Variants in LRIT3 observed in about 807,000 individuals in gnomAD.
The protein encoded by LRIT3 is leucine-rich repeat, immunoglobulin-like domain and transmembrane domain-containing protein 3.
In LRIT3, 14 loss-of-function variants were observed where a neutral mutation model predicts 22.6. That is an observed-to-expected ratio of 0.62 (90% CI 0.41 to 0.97). The LOEUF is 0.97. Ranked by LOEUF, LRIT3 falls within the 50% of genes least tolerant of loss-of-function variation. LRIT3 has a pLI of 0.00. For missense variants in LRIT3, 783 were observed against 803.0 expected, an observed-to-expected ratio of 0.98 and a Z score of 0.30; for synonymous variants, 306 against 304.5, an observed-to-expected ratio of 1.01 and a Z score of -0.05.
chr4:109,870,376 G>A lies in LRIT3; in HGVS notation c.1627G>A (p.Gly543Ser). Residue 543 changes from glycine (G) to serine (S), a missense_variant, in exon 4 of 4, where the codon GGC becomes AGC. By Grantham distance (56) the Gly-to-Ser change is moderately conservative. Transcript: ENST00000594814. The part of the protein sequence containing the change: ...DSSKNQVTID[G>S]LEPGGQYMAC... ...CAGCAAGAACCAAGTAACCATAGAT[G>A]GCTTGGAACCCGGTGGGCAATACAT... The A allele has an allele frequency of 1.2e-6, 2 of 1,614,180 alleles. No homozygotes were observed. The highest frequency in any genetic ancestry group is 1.1e-5 in the South Asian group (1 of 91,082).
intron 2 of LRIT3, among the ~76,000 whole-genome samples, chr4:109,863,879 G>A (rs1262967501): frequency 1.3e-5 from 2 of 152,158 alleles, no homozygotes; most frequent in African/African-American, 4.8e-5. Flanking sequence ...CTAAAGTAGG[G>A]TCAAATCTCA....
chr4:109,849,095 C>T (rs1734146975), intron 1 of LRIT3, among the ~76,000 whole-genome samples: 1 of 151,934 alleles, frequency 6.6e-6, no homozygotes, highest in Non-Finnish European at 1.5e-5. Context: ...TAAACGGTGT[C>T]TCAGATAAAA....
chr4:109,871,172 A>C lies in LRIT3; in HGVS notation c.*383A>C. On this transcript the variant is annotated 3_prime_UTR_variant, in exon 4 of 4. Transcript: ENST00000594814. The stretch of plus-strand genomic sequence containing the variant: ...ACCAGCTAAGCCTTGATGTTTATTC[A>C]TGTTCGAAGTGCATTATAGCATTTG... The C allele has an allele frequency of 6.2e-6, 1 of 161,328 alleles. No homozygotes were observed. Among genetic ancestry groups the C allele is most frequent in the Non-Finnish European group, 1.3e-5 (1 of 74,270 alleles). 10.0% of individuals were successfully genotyped at this position (161,328 alleles called of 1,614,324 possible).
In LRIT3 at chr4:109,870,068, G is replaced by T. The variant is rs757351189; in HGVS notation, c.1319G>T (p.Arg440Leu). The change falls in exon 4 of 4, where the codon CGA becomes CTA. Residue 440 changes from arginine (R) to leucine (L), a missense_variant. Around this residue, in one of 2 missense-constraint regions of LRIT3, gnomAD observed 756 missense variants for 753.8 expected, o/e 1.00. Coordinates refer to ENST00000594814, the MANE Select transcript of LRIT3 (RefSeq NM_198506.5). The part of the protein sequence containing the change: ...ISASTTMANK[R>L]SFQLHQGGKR... ...GCAAGTACCACCATGGCCAACAAGCGATCATTCCAGCTCCACCAAGGTGGG... is the reference window on the plus strand; with the variant it reads ...GCAAGTACCACCATGGCCAACAAGCTATCATTCCAGCTCCACCAAGGTGGG... The T allele has an allele frequency of 3.1e-6, 5 of 1,613,966 alleles. No homozygotes were observed. Among genetic ancestry groups the T allele is most frequent in the Non-Finnish European group, 3.4e-6 (4 of 1,180,042 alleles).
In LRIT3 at chr4:109,869,683, A is replaced by T; in HGVS notation, c.934A>T (p.Ile312Leu). The change falls in exon 4 of 4, where the codon ATA becomes TTA. Residue 312 changes from isoleucine (I) to leucine (L), a missense_variant. Physicochemically the swap from Ile to Leu is conservative, Grantham distance 5 (BLOSUM62 2). Around this residue, in one of 2 missense-constraint regions of LRIT3, gnomAD observed 756 missense variants for 753.8 expected, o/e 1.00. Coordinates refer to ENST00000594814, the MANE Select transcript of LRIT3 (RefSeq NM_198506.5). ...ESPEEGVRWS[I>L]MSLTGISSKD... is the part of the protein sequence containing the mutation. ...TCCAGAGGAAGGAGTCAGATGGTCCATAATGAGCTTGACAGGCATTTCTTC... is the reference window on the plus strand; with the variant it reads ...TCCAGAGGAAGGAGTCAGATGGTCCTTAATGAGCTTGACAGGCATTTCTTC... 6.3e-7 allele frequency: 1 copy of T among 1,587,916 alleles called. No homozygotes were observed. Among genetic ancestry groups the T allele is most frequent in the Non-Finnish European group, 8.6e-7 (1 of 1,166,588 alleles).
In LRIT3 at chr4:109,869,739, C is replaced by A. The variant is rs1211069269; in HGVS notation, c.990C>A (p.Ala330=). The A allele has an allele frequency of 2.5e-6, 4 of 1,612,984 alleles. No homozygotes were observed. The African/African-American group carries it at 5.3e-5, about 22-fold the overall frequency. Residue 330 remains alanine, a synonymous_variant, in exon 4 of 4, where the codon GCC becomes GCA. Coordinates refer to ENST00000594814, the MANE Select transcript of LRIT3 (RefSeq NM_198506.5). The part of the protein sequence containing the change: ...SKDAGDYKCK[A]KNLAGMSEAV... ...ACGCTGGGGATTACAAATGTAAGGCCAAAAATCTGGCTGGGATGTCAGAAG... is the reference window on the plus strand; with the variant it reads ...ACGCTGGGGATTACAAATGTAAGGCAAAAAATCTGGCTGGGATGTCAGAAG...
chr4:109,865,412 GA>G, intron 2 of LRIT3: 1 of 958,892 alleles, frequency 1.0e-6, no homozygotes, highest in South Asian at 1.6e-5. Flanking sequence ...ATGGGTTTTT[GA>G]ATGTCTATGA....
At chr4:109,869,603 T>C (rs765373112) in intron 3 of LRIT3, 42 bp from the exon 4 acceptor site, 2 of 1,511,370 alleles carry the variant, frequency 1.3e-6, no homozygotes, top group Non-Finnish European at 1.8e-6. Flanking sequence ...GGCTTGAATT[T>C]TCTTTTTGTT....
At position 109,851,197 on chromosome 4, in the gene LRIT3, T is replaced by C. The variant is rs192520953; in HGVS notation, c.117-307T>C. ...ACAGTAGCAGCAAATACCTACTGAGTACCTATTCTGTGCCAGGAAGTTGTA... is the reference window on the plus strand; with the variant it reads ...ACAGTAGCAGCAAATACCTACTGAGCACCTATTCTGTGCCAGGAAGTTGTA... On this transcript the variant is annotated intron_variant, in intron 1 of 3. Coordinates refer to ENST00000594814, the MANE Select transcript of LRIT3 (RefSeq NM_198506.5). The C allele has an allele frequency of 2.5e-3, 634 of 252,550 alleles. 2 individuals carry two copies. Among genetic ancestry groups the C allele is most frequent in the South Asian group, 4.6e-3 (60 of 12,938 alleles). The allele number at this position is 252,550 out of a possible 1,614,324, so 15.6% of individuals were successfully genotyped here. A position where few individuals can be genotyped will look rare whatever the true frequency, so the allele number is the denominator to read the frequency against.
chr4:109,853,910 A>G (rs1244044921), intron 2 of LRIT3, among the ~76,000 whole-genome samples: 3 of 152,038 alleles, frequency 2.0e-5, no homozygotes, highest in Non-Finnish European at 4.4e-5. Flanking sequence ...GTGTGGTGTT[A>G]TTTCTGAGAC....
At chr4:109,849,471 G>T (rs1410252303) in intron 1 of LRIT3, among the ~76,000 whole-genome samples, 2 of 152,176 alleles carry the variant, frequency 1.3e-5, no homozygotes, top group African/African-American at 4.8e-5. Flanking sequence ...TATAAGTGAA[G>T]AAACTAAACT....
chr4:109,855,921 A>G (rs565436319), intron 2 of LRIT3, among the ~76,000 whole-genome samples: 12 of 152,036 alleles, frequency 7.9e-5, no homozygotes, highest in African/African-American at 2.6e-4. Flanking sequence ...GTATGCCTTC[A>G]CCCTAAAGAG....
At chr4:109,864,762 C>T (rs1426461144) in intron 2 of LRIT3, among the ~76,000 whole-genome samples, 1 of 152,150 alleles carries the variant, frequency 6.6e-6, no homozygotes, top group Non-Finnish European at 1.5e-5. Flanking sequence ...CCCTCCCCTC[C>T]ATTTTAATAA....
chr4:109,869,809 C>T lies in LRIT3; in HGVS notation c.1060C>T (p.Pro354Ser), dbSNP rs1052597074. Reference sequence around the variant, plus strand: ...GCTTGGCATTACCACAACTCCAATACCACCAGACACTTCTGAAAGAACTGG... The same window carrying T: ...GCTTGGCATTACCACAACTCCAATATCACCAGACACTTCTGAAAGAACTGG... ...TVLGITTTPI[P>S]PDTSERTGDH... The change falls in exon 4 of 4, where the codon CCA (proline) becomes TCA (serine). Residue 354 changes from proline to serine, a missense_variant. Transcript: ENST00000594814. The T allele has an allele frequency of 2.5e-6, 4 of 1,613,826 alleles. No homozygotes were observed. The highest frequency in any genetic ancestry group is 1.3e-5 in the African/African-American group (1 of 74,926).
Position 109,870,732 on chromosome 4 carries a change from T to C in LRIT3, c.1983T>C (p.Ser661=), listed in dbSNP as rs1489351899. Residue 661 remains serine (S), a synonymous_variant, in exon 4 of 4, where the codon AGT becomes AGC. Coordinates refer to ENST00000594814, the MANE Select transcript of LRIT3 (RefSeq NM_198506.5). The stretch of plus-strand genomic sequence containing the variant: ...AATTGCTGCTTTGTTCTAGGTCAAG[T>C]GTGGAATCTCAGGTGACTTTTAAAA... The part of the protein sequence containing the change: ...SEKLLLCSRS[S]VESQVTFKSE... 1.2e-6 allele frequency: 2 copies of C among 1,613,392 alleles called. No homozygotes were observed. The highest frequency in any genetic ancestry group is 1.3e-5 in the African/African-American group (1 of 74,890).
rs1734190297 is a variant in LRIT3, at chr4:109,850,397, TCCTTCCTTCCTTCCTTC to T, written c.117-1105_117-1089del. On this transcript the variant is annotated intron_variant, in intron 1 of 3. Coordinates refer to ENST00000594814, the MANE Select transcript of LRIT3 (RefSeq NM_198506.5). ...TTCCTTCCTTCCTTCCTTCCTTCCT[TCCTTCCTTCCTTCCTTC>T]CTTCCTTCCTTTCTTTCTTTCTTTC... 6.1e-3 allele frequency among the ~76,000 whole-genome samples: 6 copies of T among 990 alleles called. 1 individual carries two copies. The highest frequency in any genetic ancestry group is 8.9e-3 in the Non-Finnish European group (3 of 338). The allele number at this position is 990 out of a possible 152,430, so 0.6% of individuals were successfully genotyped here. A position where few individuals can be genotyped will look rare whatever the true frequency, so the allele number is the denominator to read the frequency against.
At chr4:109,857,457 G>T (rs1734431293) in intron 2 of LRIT3, among the ~76,000 whole-genome samples, 1 of 152,134 alleles carries the variant, frequency 6.6e-6, no homozygotes, top group African/African-American at 2.4e-5. Context: ...AAGGTGACAA[G>T]GTGGATTTAC....
At chr4:109,856,168 G>T (rs1298419101) in intron 2 of LRIT3, among the ~76,000 whole-genome samples, 1 of 152,058 alleles carries the variant, frequency 6.6e-6, no homozygotes, top group Non-Finnish European at 1.5e-5. Context: ...GCTCATTCTG[G>T]CAGTCCAACC....
rs753536635 is a variant in LRIT3, at chr4:109,870,723, T to A, written c.1974T>A (p.Ser658=). ...ACTCAGAGAAATTGCTGCTTTGTTC[T>A]AGGTCAAGTGTGGAATCTCAGGTGA... ...RDDSEKLLLC[S]RSSVESQVTF... is the part of the protein sequence containing the mutation. Residue 658 remains serine, a synonymous_variant, in exon 4 of 4, where the codon TCT becomes TCA. Coordinates refer to ENST00000594814, the MANE Select transcript of LRIT3 (RefSeq NM_198506.5). 1 of 1,614,020 alleles carries A rather than the reference T, an allele frequency of 6.2e-7. No homozygotes were observed. Among genetic ancestry groups the A allele is most frequent in the Non-Finnish European group, 8.5e-7 (1 of 1,179,942 alleles).
Sources: gnomAD v4.1 joint callset for allele counts (sites outside exome capture counted in the v4.1 genomes callset) on GRCh38, gnomAD v4.1.1 for gene constraint, gnomAD v4.1.1 regional missense constraint, MANE v1.5 for transcripts, NCBI Gene and HGNC (gene_info 2026-07-23, HGNC 2026-07-21) for gene names.